Variants in ADAT1 observed in about 807,000 individuals in gnomAD.
ADAT1 encodes the protein adenosine deaminase tRNA specific 1, also known as tRNA-specific adenosine deaminase 1.
Under a neutral mutation model 58.6 loss-of-function variants are expected in ADAT1, and 58 were observed. The observed-to-expected ratio is 0.99, with a 90% CI of 0.80 to 1.23. The LOEUF (loss-of-function observed/expected upper bound fraction) is 1.23, where lower values mean the gene tolerates loss of function less well. ADAT1 is among the 50% of genes most tolerant of loss of function. The probability of loss-of-function intolerance (pLI) is 0.00; values close to 1 mark genes in which losing one functional copy is unlikely to be tolerated. For synonymous variants in ADAT1, 254 were observed against 220.8 expected (o/e 1.15, Z -1.33); for missense variants, 741 against 608.6 (o/e 1.22, Z -2.29).
chr16:75,608,927 A>C lies in ADAT1; in HGVS notation c.1105T>G (p.Ser369Ala). ...FGVQELKILQSDLLFEQSRSA... is the reference protein window; with the variant it reads ...FGVQELKILQADLLFEQSRSA... ...CGGCTCTGTTCAAATAGTAAATCTG[A>C]CTGCAGTATTTTTAATTCTTGAACT... The change falls in exon 7 of 10, where the codon TCA (serine) becomes GCA (alanine). Residue 369 changes from serine to alanine, a missense_variant. Transcript: ENST00000564657. 1 of 1,614,176 alleles carries C rather than the reference A, an allele frequency of 6.2e-7. No individual in the cohort carries two copies. The highest frequency in any genetic ancestry group is 8.5e-7 in the Non-Finnish European group (1 of 1,180,008).
chr16:75,605,698 G>A (rs953647009), intron 8 of ADAT1, among the ~76,000 whole-genome samples: 1 of 151,976 alleles, frequency 6.6e-6, no homozygotes, highest in African/African-American at 2.4e-5. Flanking sequence ...CACTTTGGGA[G>A]GCTGAGGCGG....
chr16:75,607,812 A>G (rs574882390), intron 8 of ADAT1, among the ~76,000 whole-genome samples: 13 of 152,346 alleles, frequency 8.5e-5, no homozygotes, highest in East Asian at 3.9e-4. Context: ...CACTATTCAC[A>G]ATAGCCAAAG....
rs147935959 is a variant in ADAT1 at position 75,620,349 on chromosome 16, C to A, written c.170-15G>T. 16 of 1,613,464 alleles carry A rather than the reference C, an allele frequency of 9.9e-6. No individual in the cohort carries two copies. Among genetic ancestry groups the A allele is most frequent in the South Asian group, 3.3e-5 (3 of 91,050 alleles). On this transcript the variant is annotated splice_polypyrimidine_tract_variant and intron_variant, in intron 2 of 9. Transcript: ENST00000564657. ...TTCCTTTGTCACTGTGGGAAAAAAA[C>A]AAATCGTGTGAGTTCTGAGAAACGG...
rs138601834 is a variant in ADAT1 at position 75,598,809 on chromosome 16, G to A, written c.*1407C>T. The A allele has an allele frequency of 8.4e-6, 7 of 830,796 alleles. No individual in the cohort carries two copies. The highest frequency in any genetic ancestry group is 3.7e-5 in the African/African-American group (2 of 54,122). The allele number at this position is 830,796 out of a possible 1,614,324, so 51.5% of individuals were successfully genotyped here. ...GTTGGAATTACAGGCGTAAGCCACCGTGCCCGGCCTAAAAACTTTTAAAAT... is the reference window on the plus strand; with the variant it reads ...GTTGGAATTACAGGCGTAAGCCACCATGCCCGGCCTAAAAACTTTTAAAAT... On this transcript the variant is annotated 3_prime_UTR_variant, in exon 10 of 10. Coordinates refer to ENST00000564657, the MANE Select transcript of ADAT1 (RefSeq NM_001324445.2).
intron 4 of ADAT1, among the ~76,000 whole-genome samples, chr16:75,618,167 A>G (rs2081801264): frequency 2.0e-5 from 3 of 149,722 alleles, no homozygotes; most frequent in Admixed American, 2.0e-4. Flanking sequence ...TCAAAAGTGT[A>G]GTTTACAGAC....
chr16:75,607,789 T>A, intron 8 of ADAT1, among the ~76,000 whole-genome samples: 1 of 152,134 alleles, frequency 6.6e-6, no homozygotes, highest in Non-Finnish European at 1.5e-5. Context: ...ATGTTCATAG[T>A]TCTACACAGC....
rs531248465 is a variant in ADAT1 at position 75,623,036 on chromosome 16, G to C, written c.-655C>G. ...GAGCGCCTGATCCATTGGGTCCTGC[G>C]GCTGCCAGGCCAGAGGCCCCGCGCC... On this transcript the variant is annotated 5_prime_UTR_variant, in exon 1 of 10. Coordinates refer to ENST00000564657, the MANE Select transcript of ADAT1 (RefSeq NM_001324445.2). 3 of 141,442 alleles carry C rather than the reference G, an allele frequency of 2.1e-5. No individual in the cohort carries two copies. Among genetic ancestry groups the C allele is most frequent in the Non-Finnish European group, 4.5e-5 (3 of 67,080 alleles). 8.8% of individuals were successfully genotyped at this position (141,442 alleles called of 1,614,324 possible).
chr16:75,618,552 C>A, intron 4 of ADAT1, 34 bp downstream of exon 4: 1 of 1,472,308 alleles, frequency 6.8e-7, no homozygotes, highest in Non-Finnish European at 9.2e-7. Flanking sequence ...CCACCCCAGT[C>A]CTGCTGAACC....
intron 3 of ADAT1, 123 bp from the exon 4 acceptor site, chr16:75,618,763 GC>G (rs2081832098): frequency 2.8e-6 from 3 of 1,089,354 alleles, no homozygotes; most frequent in Admixed American, 2.3e-5. Context: ...GGAGAGCTTT[GC>G]CAGAAGGTAC....
chr16:75,620,638 C>G lies in ADAT1; in HGVS notation c.162G>C (p.Pro54=), dbSNP rs117176260. 1.2e-6 allele frequency: 2 copies of G among 1,612,880 alleles called. No individual in the cohort carries two copies. The highest frequency in any genetic ancestry group is 8.5e-7 in the Non-Finnish European group (1 of 1,179,932). The change falls in exon 2 of 10, where the codon CCG becomes CCC. Residue 54 remains proline (P), a synonymous_variant. Coordinates refer to ENST00000564657, the MANE Select transcript of ADAT1 (RefSeq NM_001324445.2). The part of the protein sequence containing the change: ...ADKACDTPDK[P]VQVTKEVVSM... Reference sequence around the variant, plus strand: ...AAGAAGAAAAAGTCTCACCTTGCACCGGCTTATCAGGGGTGTCGCAGGCCT... The same window carrying G: ...AAGAAGAAAAAGTCTCACCTTGCACGGGCTTATCAGGGGTGTCGCAGGCCT...
chr16:75,603,059 G>A lies in ADAT1; in HGVS notation c.1376+26C>T, dbSNP rs368592463. 50 of 1,599,962 alleles carry A rather than the reference G, an allele frequency of 3.1e-5. No homozygotes were observed. In the African/African-American group the frequency reaches 4.6e-4, roughly 15 times the overall value. On this transcript the variant is annotated intron_variant, in intron 9 of 9. Transcript: ENST00000564657. Reference sequence around the variant, plus strand: ...TCAAAACAGTTGTCTACCTAAATATGAGAAAACATAGGTCAACAGCATCAC... The same window carrying A: ...TCAAAACAGTTGTCTACCTAAATATAAGAAAACATAGGTCAACAGCATCAC...
chr16:75,599,144 C>T lies in ADAT1; in HGVS notation c.*1072G>A, dbSNP rs1029877635. The T allele has an allele frequency of 4.2e-6, 4 of 962,356 alleles. No homozygotes were observed. Among genetic ancestry groups the T allele is most frequent in the South Asian group, 4.8e-5 (1 of 20,648 alleles). The allele number at this position is 962,356 out of a possible 1,614,324, so 59.6% of individuals were successfully genotyped here. A position where few individuals can be genotyped will look rare whatever the true frequency, so the allele number is the denominator to read the frequency against. The stretch of plus-strand genomic sequence containing the variant: ...TCACCCAGGCTGGAGTGCAGCGGTA[C>T]GATCTTTGCTCACCACTACCTCCGC... On this transcript the variant is annotated 3_prime_UTR_variant, in exon 10 of 10. Transcript: ENST00000564657.
intron 5 of ADAT1, among the ~76,000 whole-genome samples, 179 bp downstream of exon 5, chr16:75,616,963 A>G (rs2081748878): frequency 2.6e-5 from 4 of 152,222 alleles, no homozygotes; most frequent in Admixed American, 2.6e-4. Context: ...TGAAACCTTT[A>G]GAAGTGATTA....
intron 5 of ADAT1, among the ~76,000 whole-genome samples, chr16:75,614,703 C>A (rs1176729542): frequency 6.6e-6 from 1 of 152,132 alleles, no homozygotes; most frequent in African/African-American, 2.4e-5. Context: ...TAATAAAACT[C>A]ATAAGAGCCT....
intron 9 of ADAT1, 148 bp downstream of exon 9, chr16:75,602,937 G>T: frequency 1.4e-6 from 1 of 698,236 alleles, no homozygotes; most frequent in Non-Finnish European, 2.5e-6. Context: ...CTGCAAATAG[G>T]GCTATGGGGA....
intron 6 of ADAT1, among the ~76,000 whole-genome samples, chr16:75,611,574 G>A (rs1038309770): frequency 1.3e-5 from 2 of 151,718 alleles, no homozygotes; most frequent in Non-Finnish European, 1.5e-5. Flanking sequence ...TAAAGACGGG[G>A]TTTCCTCATG....
rs1313515218 is a variant in ADAT1 at position 75,597,525 on chromosome 16, C to T, written c.*2691G>A. ...ATGGAAGATAATTTTTCCACAGATC[C>T]GGGGTGGGGATAGGGGGATAGTTTC... On this transcript the variant is annotated 3_prime_UTR_variant, in exon 10 of 10. Transcript: ENST00000564657. 14 of 346,454 alleles carry T rather than the reference C, an allele frequency of 4.0e-5. No homozygotes were observed. The highest frequency in any genetic ancestry group is 1.7e-4 in the East Asian group (2 of 11,812). 21.5% of individuals were successfully genotyped at this position (346,454 alleles called of 1,614,324 possible). A position where few individuals can be genotyped will look rare whatever the true frequency, so the allele number is the denominator to read the frequency against.
intron 9 of ADAT1, chr16:75,602,131 C>CA (rs2081248628): frequency 6.6e-6 from 1 of 151,980 alleles, no homozygotes; most frequent in Non-Finnish European, 1.5e-5. Flanking sequence ...GGCTCTGAGA[C>CA]ACGTGATATC....
intron 6 of ADAT1, among the ~76,000 whole-genome samples, chr16:75,609,350 A>G (rs1182529912): frequency 1.3e-5 from 2 of 152,194 alleles, no homozygotes; most frequent in Admixed American, 6.5e-5. Context: ...AAATTATCCT[A>G]TAATATAAAA....
Sources: gnomAD v4.1 joint callset for allele counts (sites outside exome capture counted in the v4.1 genomes callset) on GRCh38, gnomAD v4.1.1 for gene constraint, MANE v1.5 for transcripts, NCBI Gene and HGNC (gene_info 2026-07-23, HGNC 2026-07-21) for gene names.